Variants in FARS2 observed in about 807,000 individuals in gnomAD.
FARS2 encodes the protein phenylalanine--tRNA ligase, mitochondrial.
Under a neutral mutation model 46.4 loss-of-function variants are expected in FARS2, and 40 were observed. The ratio of observed to expected loss-of-function variants is 0.86; its 90% confidence interval spans 0.67 to 1.12. The LOEUF is 1.12. Ranked by LOEUF, FARS2 falls within the 50% of genes most tolerant of loss-of-function variation. The pLI, the probability that FARS2 is intolerant of heterozygous loss-of-function variation, is 0.00. For missense variants in FARS2, 513 were observed against 567.9 expected, an observed-to-expected ratio of 0.90 and a Z score of 0.98; for synonymous variants, 234 against 214.9, an observed-to-expected ratio of 1.09 and a Z score of -0.78.
At chr6:5,674,578 A>G (rs558955073) in intron 6 of FARS2, among the ~76,000 whole-genome samples, 1 of 152,160 alleles carries the variant, frequency 6.6e-6, no homozygotes, top group Non-Finnish European at 1.5e-5. Context: ...TTTATATCGT[A>G]TTACATTTGC....
intron 5 of FARS2, among the ~76,000 whole-genome samples, chr6:5,579,825 C>G (rs1351609994): frequency 2.6e-5 from 4 of 152,152 alleles, no homozygotes; most frequent in Non-Finnish European, 4.4e-5. Context: ...GCAAATAAGA[C>G]TTTACGCATC....
At chr6:5,484,690 C>T (rs908737979) in intron 4 of FARS2, among the ~76,000 whole-genome samples, 4 of 152,222 alleles carry the variant, frequency 2.6e-5, no homozygotes, top group African/African-American at 9.6e-5. Flanking sequence ...GTTTGCTTTA[C>T]TCTGCAAGCC....
chr6:5,495,905 A>G (rs963536127), intron 4 of FARS2, among the ~76,000 whole-genome samples: 1 of 152,246 alleles, frequency 6.6e-6, no homozygotes, highest in Non-Finnish European at 1.5e-5. Flanking sequence ...CTGATGGACC[A>G]TGATCCTATA....
At chr6:5,507,452 G>A (rs773238385) in intron 4 of FARS2, among the ~76,000 whole-genome samples, 2 of 152,106 alleles carry the variant, frequency 1.3e-5, no homozygotes, top group Non-Finnish European at 2.9e-5. Context: ...TTTGAAGCAT[G>A]TTTCTTTTCA....
chr6:5,763,824 G>A (rs1487833969), intron 6 of FARS2, among the ~76,000 whole-genome samples: 1 of 138,434 alleles, frequency 7.2e-6, no homozygotes, highest in Non-Finnish European at 1.5e-5. Context: ...GATTTACTTA[G>A]TTTCCAGACC....
intron 4 of FARS2, among the ~76,000 whole-genome samples, chr6:5,538,584 G>T (rs1770366065): frequency 6.6e-6 from 1 of 152,216 alleles, no homozygotes; most frequent in Non-Finnish European, 1.5e-5. Context: ...AGCCTTTTCT[G>T]TTCCCAAGAT....
chr6:5,563,068 C>T (rs1218491323), intron 5 of FARS2, among the ~76,000 whole-genome samples: 2 of 147,656 alleles, frequency 1.4e-5, no homozygotes, highest in African/African-American at 5.1e-5. Flanking sequence ...GAAGAAGCTC[C>T]CCCGTACAGA....
At chr6:5,676,986 T>C (rs1473780645) in intron 6 of FARS2, among the ~76,000 whole-genome samples, 1 of 152,246 alleles carries the variant, frequency 6.6e-6, no homozygotes, top group Non-Finnish European at 1.5e-5. Context: ...GTTATTATCA[T>C]TGGAAACAAT....
At chr6:5,549,179 C>CT (rs113605580) in intron 5 of FARS2, among the ~76,000 whole-genome samples, 13 of 140,910 alleles carry the variant, frequency 9.2e-5, no homozygotes, top group South Asian at 4.5e-4. Flanking sequence ...ACTTTTCTGG[C>CT]TTTTTTTTTT....
At chr6:5,654,497 G>C (rs1777515551) in intron 6 of FARS2, among the ~76,000 whole-genome samples, 1 of 152,164 alleles carries the variant, frequency 6.6e-6, no homozygotes, top group Non-Finnish European at 1.5e-5. Context: ...TCTGGGGTTA[G>C]GATACTGCCC....
At chr6:5,304,345 T>C (rs1406580663) in intron 1 of FARS2, among the ~76,000 whole-genome samples, 1 of 152,224 alleles carries the variant, frequency 6.6e-6, no homozygotes, top group Non-Finnish European at 1.5e-5. Context: ...AACTCTGTTG[T>C]TGACATGTGC....
chr6:5,515,807 T>C (rs1373669628), intron 4 of FARS2, among the ~76,000 whole-genome samples: 1 of 152,212 alleles, frequency 6.6e-6, no homozygotes, highest in East Asian at 1.9e-4. Context: ...CTGATACGTC[T>C]TAAATTTAAT....
At chr6:5,567,194 T>C (rs189816865) in intron 5 of FARS2, among the ~76,000 whole-genome samples, 6 of 152,348 alleles carry the variant, frequency 3.9e-5, no homozygotes, top group Non-Finnish European at 8.8e-5. Context: ...TTTATTTTAA[T>C]AATGGCCATC....
At chr6:5,527,745 CA>C (rs1769559963) in intron 4 of FARS2, among the ~76,000 whole-genome samples, 1 of 152,166 alleles carries the variant, frequency 6.6e-6, no homozygotes, top group African/African-American at 2.4e-5. Context: ...CAACTAAAAA[CA>C]AACCACAACA....
At chr6:5,635,506 T>G (rs2150728635) in intron 6 of FARS2, among the ~76,000 whole-genome samples, 1 of 152,370 alleles carries the variant, frequency 6.6e-6, no homozygotes, top group Non-Finnish European at 1.5e-5. Flanking sequence ...AGAAATTTTT[T>G]TAACACCTTA....
intron 3 of FARS2, among the ~76,000 whole-genome samples, chr6:5,415,813 G>A (rs1398488550): frequency 6.6e-6 from 1 of 151,816 alleles, no homozygotes; most frequent in Non-Finnish European, 1.5e-5. Flanking sequence ...GTCAAGCGAT[G>A]CGCCCACTTC....
chr6:5,769,323 TTGG>T (rs1207288754), intron 6 of FARS2, among the ~76,000 whole-genome samples: 1 of 152,216 alleles, frequency 6.6e-6, no homozygotes, highest in African/African-American at 2.4e-5. Context: ...GGGTCAGCAC[TTGG>T]TGGCAGCAGG....
intron 1 of FARS2, among the ~76,000 whole-genome samples, chr6:5,327,198 T>C (rs560357958): frequency 1.3e-5 from 2 of 152,368 alleles, no homozygotes; most frequent in East Asian, 3.9e-4. Flanking sequence ...ATTTATTATC[T>C]TTCATTTTAT....
intron 4 of FARS2, among the ~76,000 whole-genome samples, chr6:5,519,439 A>G (rs910994400): frequency 5.3e-5 from 8 of 152,212 alleles, no homozygotes; most frequent in African/African-American, 1.4e-4. Flanking sequence ...ACCAAGAAGT[A>G]AAAGTATGCT....
Sources: gnomAD v4.1 joint callset for allele counts (sites outside exome capture counted in the v4.1 genomes callset) on GRCh38, gnomAD v4.1.1 for gene constraint, MANE v1.5 for transcripts, NCBI Gene and HGNC (gene_info 2026-07-23, HGNC 2026-07-21) for gene names.